Variants in JARID2 observed in about 807,000 individuals in gnomAD.
JARID2 encodes protein Jumonji.
JARID2 carries 21 observed loss-of-function variants against 125.6 expected under a neutral mutation model. The observed-to-expected ratio is 0.17, with a 90% confidence interval of 0.12 to 0.24. The LOEUF (loss-of-function observed/expected upper bound fraction) is 0.24. JARID2 is among the 10% of genes least tolerant of loss of function. JARID2 has a pLI of 1.00. For missense variants in JARID2, 1,303 were observed against 1,639.6 expected, an observed-to-expected ratio of 0.79 and a Z score of 3.55; for synonymous variants, 736 against 661.6, an observed-to-expected ratio of 1.11 and a Z score of -1.73.
chr6:15,260,701 T>G (rs1258247128), intron 1 of JARID2, among the ~76,000 whole-genome samples: 5 of 152,220 alleles, frequency 3.3e-5, no homozygotes. Flanking sequence ...TCTGTACTTG[T>G]GATAAATCAA....
intron 1 of JARID2, among the ~76,000 whole-genome samples, chr6:15,371,655 T>G (rs536284718): frequency 1.8e-4 from 28 of 152,352 alleles, no homozygotes; most frequent in African/African-American, 6.3e-4. Flanking sequence ...TGCATTTTAC[T>G]CAGGTTGGTA....
chr6:15,339,763 A>G (rs1430455619), intron 1 of JARID2, among the ~76,000 whole-genome samples: 2 of 151,978 alleles, frequency 1.3e-5, no homozygotes, highest in Non-Finnish European at 2.9e-5. Context: ...TCGAACTCCC[A>G]ACCTCAGGTG....
intron 14 of JARID2, 118 bp from the exon 15 acceptor site, chr6:15,512,797 T>C: frequency 1.9e-6 from 2 of 1,043,548 alleles, no homozygotes; most frequent in Non-Finnish European, 2.8e-6. Context: ...GTTTTTAATC[T>C]AAATGCAATT....
At chr6:15,374,328 T>A (rs1473786963) in intron 2 of JARID2, 76 bp downstream of exon 2, 2 of 1,500,980 alleles carry the variant, frequency 1.3e-6, no homozygotes, top group East Asian at 4.5e-5. Context: ...ATTGGATGTA[T>A]TCTGGCAGCT....
chr6:15,324,701 CT>C, intron 1 of JARID2, among the ~76,000 whole-genome samples: 1 of 150,746 alleles, frequency 6.6e-6, no homozygotes. Flanking sequence ...TTTCCAGGCA[CT>C]TTGCAAACTC....
In JARID2 at chr6:15,452,131, G is replaced by A; in HGVS notation, c.449G>A (p.Arg150Lys). ...ACTCAGATATCAGACCTCTCTAAAA[G>A]GAAGCCTAAGACAGAAGATTTTCTT... is the stretch of plus-strand genomic sequence containing the variant. ...PATQISDLSK[R>K]KPKTEDFLTF... Residue 150 changes from arginine (R) to lysine (K), a missense_variant, in exon 4 of 18, where the codon AGG becomes AAG. By Grantham distance (26) the Arg-to-Lys change is conservative (BLOSUM62 2). This residue lies in a region of JARID2 where 42 missense variants were observed against 35.7 expected (regional missense o/e 1.18). Transcript: ENST00000341776. The A allele has an allele frequency of 1.2e-6, 2 of 1,614,054 alleles. No individual in the cohort carries two copies. Among genetic ancestry groups the A allele is most frequent in the Non-Finnish European group, 1.7e-6 (2 of 1,180,018 alleles).
chr6:15,473,052 G>GTT, intron 5 of JARID2, among the ~76,000 whole-genome samples: 1 of 94,002 alleles, frequency 1.1e-5, no homozygotes, highest in Admixed American at 1.1e-4. Flanking sequence ...GAATACCCGT[G>GTT]TTAGGAAAGA....
intron 4 of JARID2, among the ~76,000 whole-genome samples, chr6:15,456,472 A>C (rs1297410648): frequency 2.6e-5 from 4 of 152,228 alleles, no homozygotes; most frequent in Non-Finnish European, 5.9e-5. Context: ...AGGCAATAAA[A>C]ATAGGCTTTG....
chr6:15,431,109 A>C (rs961689565), intron 3 of JARID2, among the ~76,000 whole-genome samples: 1 of 152,086 alleles, frequency 6.6e-6, no homozygotes, highest in African/African-American at 2.4e-5. Context: ...TCCCCTTTGT[A>C]GGGAGTTGAA....
intron 1 of JARID2, among the ~76,000 whole-genome samples, chr6:15,301,938 G>A (rs1478837967): frequency 1.3e-5 from 2 of 152,350 alleles, no homozygotes; most frequent in East Asian, 1.9e-4. Flanking sequence ...ACGTTGGTAT[G>A]TGTTTTTGGT....
chr6:15,376,970 C>T (rs7747278), intron 2 of JARID2, among the ~76,000 whole-genome samples: 9 of 152,030 alleles, frequency 5.9e-5, no homozygotes, highest in Non-Finnish European at 5.9e-5. Flanking sequence ...TATATGTGGA[C>T]GTGTCTGTGT....
chr6:15,446,970 A>G (rs1410425491), intron 3 of JARID2, among the ~76,000 whole-genome samples: 2 of 152,158 alleles, frequency 1.3e-5, no homozygotes, highest in East Asian at 3.9e-4. Context: ...CCCTTCTCCT[A>G]GTTACTCATG....
chr6:15,468,368 A>T (rs1372200656), intron 4 of JARID2, among the ~76,000 whole-genome samples, 174 bp from the exon 5 acceptor site: 1 of 152,016 alleles, frequency 6.6e-6, no homozygotes, highest in Non-Finnish European at 1.5e-5. Context: ...TTTTGCTTGA[A>T]ATACGTTCAA....
At chr6:15,361,208 C>T (rs892761829) in intron 1 of JARID2, among the ~76,000 whole-genome samples, 1 of 152,162 alleles carries the variant, frequency 6.6e-6, no homozygotes, top group African/African-American at 2.4e-5. Flanking sequence ...TGTAAATGTT[C>T]CAGAATTTAA....
At chr6:15,344,362 G>GTGGA (rs1763175453) in intron 1 of JARID2, among the ~76,000 whole-genome samples, 1 of 151,958 alleles carries the variant, frequency 6.6e-6, no homozygotes, top group Non-Finnish European at 1.5e-5. Context: ...ACCTTGGGAT[G>GTGGA]TGGAGTGTGT....
At chr6:15,384,940 G>A (rs907739833) in intron 2 of JARID2, among the ~76,000 whole-genome samples, 1 of 152,114 alleles carries the variant, frequency 6.6e-6, no homozygotes, top group African/African-American at 2.4e-5. Context: ...CCTGTTCCAC[G>A]TTGTCATACT....
chr6:15,512,459 C>T (rs982074741), intron 14 of JARID2, 69 bp downstream of exon 14: 2 of 1,415,550 alleles, frequency 1.4e-6, no homozygotes, highest in Non-Finnish European at 2.0e-6. Flanking sequence ...TGAGCGCACA[C>T]AGAAGCATCC....
intron 8 of JARID2, 127 bp downstream of exon 8, chr6:15,501,536 A>T (rs1038757122): frequency 1.2e-6 from 1 of 852,120 alleles, no homozygotes; most frequent in Non-Finnish European, 1.8e-6. Flanking sequence ...GGGGCGGGCC[A>T]CTGTGCTGGG....
At chr6:15,269,388 A>T (rs1453879086) in intron 1 of JARID2, among the ~76,000 whole-genome samples, 1 of 152,116 alleles carries the variant, frequency 6.6e-6, no homozygotes, top group African/African-American at 2.4e-5. Flanking sequence ...TTTAAGAGAC[A>T]GGGTCTGTTG....
Sources: gnomAD v4.1 joint callset for allele counts (sites outside exome capture counted in the v4.1 genomes callset) on GRCh38, gnomAD v4.1.1 for gene constraint, gnomAD v4.1.1 regional missense constraint, MANE v1.5 for transcripts, NCBI Gene and HGNC (gene_info 2026-07-23, HGNC 2026-07-21) for gene names.